The following FAM228B variants were observed in gnomAD, a reference collection of about 807,000 sequenced individuals.
FAM228B encodes family with sequence similarity 228 member B, also known as protein FAM228B.
Under a neutral mutation model 42.6 loss-of-function variants are expected in FAM228B, and 38 were observed. The ratio of observed to expected loss-of-function variants is 0.89; its 90% CI spans 0.69 to 1.17. The LOEUF (loss-of-function observed/expected upper bound fraction) is 1.17. Among genes scored for constraint, FAM228B ranks in the 50% most tolerant of loss-of-function variants. The probability of loss-of-function intolerance (pLI) is 0.00; values close to 1 mark genes in which losing one functional copy is unlikely to be tolerated. For synonymous variants in FAM228B, 109 were observed against 122.3 expected, an observed-to-expected ratio of 0.89 and a Z score of 0.72; for missense variants, 344 against 367.3, an observed-to-expected ratio of 0.94 and a Z score of 0.52.
At chr2:24,143,442 C>T (rs1364750081) in intron 5 of FAM228B, among the ~76,000 whole-genome samples, 1 of 152,212 alleles carries the variant, frequency 6.6e-6, no homozygotes, top group African/African-American at 2.4e-5. Context: ...GATCCGCCCG[C>T]CTTGGCCTCC....
At position 24,077,310 on chromosome 2, in the gene FAM228B, T is replaced by G. The variant is rs1052422539; in HGVS notation, c.-290+341T>G. On this transcript the variant is annotated intron_variant, in intron 1 of 10. Coordinates refer to the FAM228B transcript ENST00000613899. The surrounding 1 kb of genome is among the most constrained non-coding windows in gnomAD (Gnocchi z 5.5). ...TGACGCTGTAACTATACCCAGAATC[T>G]CCGTCCCTGGAGGGGCCCTCAGGTT... 7 of 329,270 alleles carry G rather than the reference T, an allele frequency of 2.1e-5. No individual in the cohort carries two copies. Among genetic ancestry groups the G allele is most frequent in the African/African-American group, 1.2e-4 (6 of 48,158 alleles). 20.4% of individuals were successfully genotyped at this position (329,270 alleles called of 1,614,324 possible). A position where few individuals can be genotyped will look rare whatever the true frequency, so the allele number is the denominator to read the frequency against.
At chr2:24,090,949 G>A (rs1009412949) in intron 2 of FAM228B, among the ~76,000 whole-genome samples, 1 of 152,158 alleles carries the variant, frequency 6.6e-6, no homozygotes, top group African/African-American at 2.4e-5. Flanking sequence ...ACCACACCCA[G>A]ATAGTTTTTG....
At chr2:24,110,231 G>A (rs1232204178) in intron 3 of FAM228B, among the ~76,000 whole-genome samples, 1 of 152,162 alleles carries the variant, frequency 6.6e-6, no homozygotes, top group African/African-American at 2.4e-5. Context: ...GCTAAACAAG[G>A]AGAACACGTG....
At chr2:24,148,011 A>G (rs1666938001) in intron 7 of FAM228B, among the ~76,000 whole-genome samples, 1 of 151,662 alleles carries the variant, frequency 6.6e-6, no homozygotes, top group African/African-American at 2.4e-5. Flanking sequence ...ATGTCTAGAA[A>G]TGGATATGCC....
chr2:24,130,794 T>G (rs886395418), intron 2 of FAM228B, among the ~76,000 whole-genome samples: 2 of 152,232 alleles, frequency 1.3e-5, no homozygotes, highest in African/African-American at 2.4e-5. Flanking sequence ...TAGAAGCTCT[T>G]TAGATTAATT....
chr2:24,101,359 C>T (rs1665600957), intron 3 of FAM228B, among the ~76,000 whole-genome samples: 1 of 152,100 alleles, frequency 6.6e-6, no homozygotes, highest in African/African-American at 2.4e-5. Context: ...TTATGCTTTA[C>T]TGATCATTCT....
At chr2:24,159,581 C>A (rs554134483) in intron 7 of FAM228B, among the ~76,000 whole-genome samples, 15 of 152,290 alleles carry the variant, frequency 9.8e-5, no homozygotes, top group African/African-American at 2.6e-4. Flanking sequence ...GAGGAAACAT[C>A]CCATCTGAAG....
intron 2 of FAM228B, among the ~76,000 whole-genome samples, chr2:24,127,202 A>G (rs971072918): frequency 2.0e-5 from 3 of 152,190 alleles, no homozygotes; most frequent in Admixed American, 1.3e-4. Context: ...ATCATACAAT[A>G]TGTGGTCCTT....
At chr2:24,091,018 C>T (rs1665378676) in intron 2 of FAM228B, among the ~76,000 whole-genome samples, 1 of 152,160 alleles carries the variant, frequency 6.6e-6, no homozygotes, top group Admixed American at 6.5e-5. Flanking sequence ...CCCAAGCTGA[C>T]ATTATTATTT....
At chr2:24,131,018 C>T (rs1264166838) in intron 2 of FAM228B, among the ~76,000 whole-genome samples, 1 of 152,164 alleles carries the variant, frequency 6.6e-6, no homozygotes, top group East Asian at 1.9e-4. Flanking sequence ...TATGGCTAGC[C>T]AGTTTTCCCA....
intron 2 of FAM228B, among the ~76,000 whole-genome samples, chr2:24,093,783 A>T (rs531887744): frequency 1.1e-4 from 17 of 151,422 alleles, no homozygotes; most frequent in African/African-American, 4.1e-4. Context: ...AGCCTGGCTA[A>T]TTTTTTTTGT....
chr2:24,082,393 C>T (rs1665044421), intron 2 of FAM228B, among the ~76,000 whole-genome samples: 1 of 152,190 alleles, frequency 6.6e-6, no homozygotes, highest in Non-Finnish European at 1.5e-5. Flanking sequence ...ACCATCTTTA[C>T]TCATCTCCAG....
At chr2:24,122,605 G>T (rs1666156487), upstream of FAM228B, 2 of 1,002,334 alleles carry the variant, frequency 2.0e-6, no homozygotes, top group Non-Finnish European at 1.6e-6. Flanking sequence ...AAAGGCATGT[G>T]AATACAAATG....
chr2:24,088,905 C>G (rs1308345229), intron 2 of FAM228B, among the ~76,000 whole-genome samples: 1 of 152,112 alleles, frequency 6.6e-6, no homozygotes, highest in Non-Finnish European at 1.5e-5. Flanking sequence ...TGTGGAACAC[C>G]CAGCCTATGT....
intron 5 of FAM228B, among the ~76,000 whole-genome samples, chr2:24,142,961 G>A (rs540795170): frequency 3.9e-5 from 6 of 152,074 alleles, no homozygotes; most frequent in South Asian, 2.1e-4. Context: ...ACAAAATTAC[G>A]CGTGGGAAAA....
chr2:24,100,499 G>C (rs1431006931), intron 3 of FAM228B, among the ~76,000 whole-genome samples: 1 of 148,916 alleles, frequency 6.7e-6, no homozygotes, highest in African/African-American at 2.5e-5. Flanking sequence ...GCAGCCAACA[G>C]ACACATGAAA....
intron 2 of FAM228B, among the ~76,000 whole-genome samples, chr2:24,092,825 G>T (rs574023049): frequency 6.6e-6 from 1 of 152,176 alleles, no homozygotes; most frequent in East Asian, 1.9e-4. Context: ...AGCTATAGCA[G>T]TTGACATCAA....
At chr2:24,151,828 C>T (rs940220656) in intron 7 of FAM228B, among the ~76,000 whole-genome samples, 6 of 151,918 alleles carry the variant, frequency 3.9e-5, no homozygotes, top group Non-Finnish European at 8.8e-5. Context: ...GTATTGCAGG[C>T]ATGCACCATC....
At chr2:24,112,920 A>G (rs10205979) in intron 3 of FAM228B, among the ~76,000 whole-genome samples, 18,108 of 151,896 alleles carry the variant, frequency 0.12, 1,260 homozygotes, top group South Asian at 0.18. Flanking sequence ...AGCCTGGAAT[A>G]CTCTTTACTC....
Sources: gnomAD v4.1 joint callset for allele counts (sites outside exome capture counted in the v4.1 genomes callset) on GRCh38, gnomAD v4.1.1 for gene constraint, Gnocchi (gnomAD v3.1) non-coding constraint, MANE v1.5 for transcripts, NCBI Gene and HGNC (gene_info 2026-07-23, HGNC 2026-07-21) for gene names.